The following C2CD4D variants were observed in gnomAD, a reference collection of about 807,000 sequenced individuals.
C2CD4D encodes the protein C2 calcium dependent domain containing 4D.
C2CD4D carries 1 observed loss-of-function variant against 0.2 expected under a neutral mutation model. The observed-to-expected ratio is 4.00, with a 90% CI of 1.42 to 18.99. The LOEUF (loss-of-function observed/expected upper bound fraction) is 18.99. Among genes scored for constraint, C2CD4D ranks in the 30% most tolerant of loss-of-function variants. C2CD4D has a pLI of 0.11. For missense variants in C2CD4D, 552 were observed against 551.2 expected, an observed-to-expected ratio of 1.00 and a Z score of -0.01; for synonymous variants, 269 against 279.8, an observed-to-expected ratio of 0.96 and a Z score of 0.39.
At chr1:151,838,234 C>A in exon 2 of C2CD4D, 1 of 1,418,274 alleles carries the variant, frequency 7.1e-7, no homozygotes, top group African/African-American at 1.5e-5. Context: ...CGCCGCCGCT[C>A]CCGGGGCGGG....
At chr1:151,837,876 A>C (rs1652617833) in exon 2 of C2CD4D, 3 of 1,448,958 alleles carry the variant, frequency 2.1e-6, no homozygotes, top group Admixed American at 2.8e-5. Flanking sequence ...GGGTGGAAAG[A>C]ATGTGGACTG....
chr1:151,838,021 C>T (rs1184504719), exon 2 of C2CD4D: 5 of 1,551,498 alleles, frequency 3.2e-6, no homozygotes, highest in African/African-American at 2.7e-5. Context: ...TCTCGCACTC[C>T]CCCAGCAGCA....
exon 2 of C2CD4D, chr1:151,837,866 G>C (rs980714883): frequency 6.9e-7 from 1 of 1,439,580 alleles, no homozygotes; most frequent in African/African-American, 1.4e-5. Context: ...AAGCCGGGCA[G>C]GGTGGAAAGA....
At chr1:151,838,637 A>G in exon 2 of C2CD4D, 1 of 1,322,252 alleles carries the variant, frequency 7.6e-7, no homozygotes, top group South Asian at 2.1e-5. Context: ...CGCCGCGGGG[A>G]GTCCCCCGGC....
At chr1:151,838,295 C>T (rs1474027901) in exon 2 of C2CD4D, 1 of 1,342,422 alleles carries the variant, frequency 7.4e-7, no homozygotes, top group South Asian at 2.1e-5. Context: ...CCGCAGCCGC[C>T]CGGGCCCGGC....
chr1:151,838,542 G>A (rs1221953585), exon 2 of C2CD4D: 4 of 1,331,866 alleles, frequency 3.0e-6, no homozygotes, highest in Non-Finnish European at 3.8e-6. Flanking sequence ...GAGCCGAAGG[G>A]CGACGAGTCC....
At chr1:151,838,453 G>A in exon 2 of C2CD4D, 1 of 1,403,672 alleles carries the variant, frequency 7.1e-7, no homozygotes, top group Non-Finnish European at 9.2e-7. Context: ...AGTGCGGGCT[G>A]GTATCGGCCG....
exon 1 of C2CD4D, chr1:151,840,428 A>T (rs1156498670): frequency 2.6e-5 from 4 of 152,296 alleles, no homozygotes; most frequent in Admixed American, 2.6e-4. Flanking sequence ...CAGCCCTCAC[A>T]GGTGAAGTCC....
exon 2 of C2CD4D, chr1:151,838,661 G>T (rs755938162): frequency 2.9e-5 from 39 of 1,362,132 alleles, no homozygotes; most frequent in Non-Finnish European, 3.7e-5. Context: ...GGCAGGTGGC[G>T]GCCCGTGGAA....
chr1:151,838,822 C>T, exon 2 of C2CD4D: 4 of 1,445,910 alleles, frequency 2.8e-6, no homozygotes, highest in Non-Finnish European at 3.6e-6. Context: ...GGTCCGGGAG[C>T]CGAGGCGGGA....
exon 2 of C2CD4D, chr1:151,838,665 C>A (rs1652667007): frequency 2.2e-6 from 3 of 1,365,716 alleles, no homozygotes; most frequent in Admixed American, 3.1e-5. Context: ...GGTGGCGGCC[C>A]GTGGAACAGG....
chr1:151,838,451 C>T, exon 2 of C2CD4D: 2 of 1,405,384 alleles, frequency 1.4e-6, no homozygotes, highest in African/African-American at 3.0e-5. Flanking sequence ...CGAGTGCGGG[C>T]TGGTATCGGC....
chr1:151,838,256 G>T (rs1259534576), exon 2 of C2CD4D: 2 of 1,337,072 alleles, frequency 1.5e-6, no homozygotes, highest in Non-Finnish European at 1.9e-6. Context: ...CCGCGGCCGG[G>T]GCAGGCCCTC....
exon 2 of C2CD4D, chr1:151,839,065 C>T (rs1652692827): frequency 1.3e-6 from 2 of 1,483,438 alleles, no homozygotes; most frequent in Non-Finnish European, 1.8e-6. Context: ...TGGGAGTGCT[C>T]GGCGGAGCGG....
intron 1 of C2CD4D, among the ~76,000 whole-genome samples, chr1:151,839,764 C>G (rs1005562165): frequency 1.3e-5 from 2 of 152,216 alleles, no homozygotes; most frequent in East Asian, 3.9e-4. Context: ...AATCCCACCC[C>G]CAGTAGCCCT....
intron 1 of C2CD4D, among the ~76,000 whole-genome samples, 170 bp downstream of exon 1, chr1:151,839,494 T>G (rs1163231855): frequency 2.6e-5 from 4 of 152,282 alleles, no homozygotes; most frequent in Non-Finnish European, 4.4e-5. Flanking sequence ...TTCGAAGACT[T>G]GGGTTTTCCT....
chr1:151,838,810 C>A (rs1242263027), exon 2 of C2CD4D: 16 of 1,412,484 alleles, frequency 1.1e-5, no homozygotes, highest in Non-Finnish European at 1.5e-5. Context: ...CTGCGCCGCC[C>A]GGGTCCGGGA....
At chr1:151,838,419 T>G (rs1652647601) in exon 2 of C2CD4D, 3 of 1,428,892 alleles carry the variant, frequency 2.1e-6, no homozygotes, top group Non-Finnish European at 2.7e-6. Flanking sequence ...AGCGGCGGCG[T>G]GGGCGGCCCG....
At chr1:151,839,169 A>G in exon 2 of C2CD4D, 1 of 610,414 alleles carries the variant, frequency 1.6e-6, no homozygotes, top group Non-Finnish European at 2.8e-6. Context: ...ACCCACTGGG[A>G]GCGCGGACCC....
Sources: gnomAD v4.1 joint callset for allele counts (sites outside exome capture counted in the v4.1 genomes callset) on GRCh38, gnomAD v4.1.1 for gene constraint, MANE v1.5 for transcripts, NCBI Gene and HGNC (gene_info 2026-07-23, HGNC 2026-07-21) for gene names.